Variants in RIPK1 observed in about 807,000 individuals in gnomAD.
RIPK1 encodes receptor-interacting serine/threonine-protein kinase 1.
RIPK1 carries 27 observed loss-of-function variants against 62.4 expected under a neutral mutation model. The ratio of observed to expected loss-of-function variants is 0.43; its 90% CI spans 0.32 to 0.60. The LOEUF is 0.60. RIPK1 is among the 20% of genes least tolerant of loss of function. The pLI is 0.07. For missense variants in RIPK1, 735 were observed against 831.0 expected, an observed-to-expected ratio of 0.88 and a Z score of 1.42; for synonymous variants, 287 against 303.2, an observed-to-expected ratio of 0.95 and a Z score of 0.55.
At chr6:3,071,725 G>A (rs186660496) in intron 1 of RIPK1, among the ~76,000 whole-genome samples, 13 of 152,184 alleles carry the variant, frequency 8.5e-5, no homozygotes, top group African/African-American at 3.1e-4. Flanking sequence ...CTAGCAAACC[G>A]CAAGACTGTA....
intron 3 of RIPK1, among the ~76,000 whole-genome samples, chr6:3,080,254 C>G (rs1294419655): frequency 6.6e-6 from 1 of 152,152 alleles, no homozygotes; most frequent in Admixed American, 6.5e-5. Context: ...TGTTTGTATA[C>G]TGATTTTTTA....
intron 7 of RIPK1, among the ~76,000 whole-genome samples, chr6:3,101,684 G>A (rs59726725): frequency 0.071 from 10,763 of 152,080 alleles, 1,298 homozygotes; most frequent in African/African-American, 0.25. Context: ...ATCTTTGGGT[G>A]TAGGGCAAAA....
chr6:3,111,462 A>C (rs775978201), intron 10 of RIPK1, among the ~76,000 whole-genome samples: 1 of 152,020 alleles, frequency 6.6e-6, no homozygotes, highest in South Asian at 2.1e-4. Context: ...CATGAGGCCA[A>C]AACGACTTGA....
At chr6:3,107,229 G>A (rs1352376966) in intron 9 of RIPK1, among the ~76,000 whole-genome samples, 2 of 149,990 alleles carry the variant, frequency 1.3e-5, no homozygotes, top group South Asian at 2.1e-4. Context: ...TCCAGCCTGG[G>A]CAACAGAGTG....
At position 3,105,590 on chromosome 6, in the gene RIPK1, C is replaced by G; in HGVS notation, c.1115C>G (p.Pro372Arg). Residue 372 changes from proline to arginine, a missense_variant, in exon 9 of 11, where the codon CCC (proline) becomes CGC (arginine). By Grantham distance (103) the Pro-to-Arg change is moderately radical (BLOSUM62 -2). Coordinates refer to ENST00000259808, the MANE Select transcript of RIPK1 (RefSeq NM_001354930.2). This position sits in a 1 kb window ranked among gnomAD's most constrained non-coding sequence, Gnocchi z 4.5. ...SLEHPQEENE[P>R]SLQSKLQDEA... ...GAGCACCCACAAGAAGAGAATGAGC[C>G]CAGCCTGCAGAGTAAACTCCAAGAC... 6.2e-7 allele frequency: 1 copy of G among 1,613,920 alleles called. No individual in the cohort carries two copies.
chr6:3,065,264 CAAAAAAAAAAAAA>C (rs57722248), upstream of RIPK1, among the ~76,000 whole-genome samples: 33 of 40,638 alleles, frequency 8.1e-4, no homozygotes, highest in Non-Finnish European at 1.3e-3. Context: ...GACTCCGTCT[CAAAAAAAAAAAAA>C]AAAAAAAAAA....
chr6:3,077,897 A>G lies in RIPK1; in HGVS notation c.283A>G (p.Met95Val), dbSNP rs1759167882. 6 of 1,614,102 alleles carry G rather than the reference A, an allele frequency of 3.7e-6. No individual in the cohort carries two copies. The highest frequency in any genetic ancestry group is 3.3e-5 in the South Asian group (3 of 91,092). Residue 95 changes from methionine to valine, a missense_variant, in exon 3 of 11, where the codon ATG becomes GTG. Transcript: ENST00000259808. Reference protein sequence around the residue: ...EGKYSLVMEYMEKGNLMHVLK... With the variant: ...EGKYSLVMEYVEKGNLMHVLK... ...GAAGTACTCCCTGGTGATGGAGTACATGGAGAAGGGCAACCTGATGCACGT... is the reference window on the plus strand; with the variant it reads ...GAAGTACTCCCTGGTGATGGAGTACGTGGAGAAGGGCAACCTGATGCACGT...
At chr6:3,068,722 C>A in intron 1 of RIPK1, 61 bp downstream of exon 1, 20 of 956,178 alleles carry the variant, frequency 2.1e-5, no homozygotes, top group Non-Finnish European at 2.5e-5. Context: ...GTCCCGGTGA[C>A]CCCCCTGGTC....
intron 7 of RIPK1, among the ~76,000 whole-genome samples, chr6:3,089,905 C>T (rs2113639165): frequency 6.6e-6 from 1 of 152,232 alleles, no homozygotes; most frequent in South Asian, 2.1e-4. Flanking sequence ...ATGTCACTGG[C>T]AAAGATTGGA....
At chr6:3,080,841 A>G (rs1324698341) in intron 3 of RIPK1, 138 bp from the exon 4 acceptor site, 1 of 495,816 alleles carries the variant, frequency 2.0e-6, no homozygotes, top group East Asian at 4.5e-5. Context: ...CAGTGACAGC[A>G]GTACTGTGGT....
In RIPK1 at chr6:3,105,836, G is replaced by A. The variant is rs779297969; in HGVS notation, c.1361G>A (p.Gly454Glu). 9 of 1,614,012 alleles carry A rather than the reference G, an allele frequency of 5.6e-6. No homozygotes were observed. The highest frequency in any genetic ancestry group is 7.6e-6 in the Non-Finnish European group (9 of 1,180,030). The change falls in exon 9 of 11, where the codon GGG becomes GAG. Residue 454 changes from glycine to glutamate, a missense_variant. Coordinates refer to ENST00000259808, the MANE Select transcript of RIPK1 (RefSeq NM_001354930.2). The surrounding 1 kb of genome is among the most constrained non-coding windows in gnomAD (Gnocchi z 4.5). ...GGTAATGCAGTGCACCAGCCCTCAG[G>A]GCTCACCAGCCAACCTCAAGTACTG... ...SHGNAVHQPS[G>E]LTSQPQVLYQ...
At chr6:3,087,918 C>G (rs1335813135) in intron 6 of RIPK1, among the ~76,000 whole-genome samples, 6 of 152,150 alleles carry the variant, frequency 3.9e-5, no homozygotes, top group African/African-American at 1.4e-4. Context: ...CTGAGACTTT[C>G]TATTTTTCAT....
At chr6:3,096,566 T>TC (rs1760312397) in intron 7 of RIPK1, among the ~76,000 whole-genome samples, 2 of 136,070 alleles carry the variant, frequency 1.5e-5, no homozygotes, top group East Asian at 4.1e-4. Flanking sequence ...TTTTTTTTTT[T>TC]TTTTTTTTTT....
In RIPK1 at chr6:3,113,233, T is replaced by C; in HGVS notation, c.1910T>C (p.Met637Thr). The C allele has an allele frequency of 6.2e-7, 1 of 1,614,068 alleles. No homozygotes were observed. The highest frequency in any genetic ancestry group is 8.5e-7 in the Non-Finnish European group (1 of 1,179,998). The change falls in exon 11 of 11, where the codon ATG becomes ACG. Residue 637 changes from methionine (M) to threonine (T), a missense_variant. Transcript: ENST00000259808. This position sits in a 1 kb window ranked among gnomAD's most constrained non-coding sequence, Gnocchi z 5.0. ...TACCAGATGCTCCAAAAGTGGGTGA[T>C]GAGGGAAGGCATAAAGGGAGCCACG... ...KVYQMLQKWV[M>T]REGIKGATVG... is the part of the protein sequence containing the mutation.
chr6:3,080,209 C>T (rs529679524), intron 3 of RIPK1, among the ~76,000 whole-genome samples: 1 of 152,170 alleles, frequency 6.6e-6, no homozygotes, highest in Admixed American at 6.5e-5. Context: ...TGTTAACCAA[C>T]GACCAAAATA....
Position 3,105,992 on chromosome 6 carries a change from C to G in RIPK1, c.1517C>G (p.Pro506Arg), listed in dbSNP as rs1479664227. The change falls in exon 9 of 11, where the codon CCT becomes CGT. Residue 506 changes from proline to arginine, a missense_variant. Coordinates refer to ENST00000259808, the MANE Select transcript of RIPK1 (RefSeq NM_001354930.2). The surrounding 1 kb of genome is among the most constrained non-coding windows in gnomAD (Gnocchi z 4.5). ...CCTAGTCTGCATAATATCCCAGTGC[C>G]TGAGACCAACTATCTAGGAAATACA... ...HMPSLHNIPVPETNYLGNTPT... is the reference protein window; with the variant it reads ...HMPSLHNIPVRETNYLGNTPT... The G allele has an allele frequency of 3.1e-6, 5 of 1,613,900 alleles. No homozygotes were observed. The highest frequency in any genetic ancestry group is 4.2e-6 in the Non-Finnish European group (5 of 1,179,880).
Position 3,105,683 on chromosome 6 carries a change from T to C in RIPK1, c.1208T>C (p.Val403Ala). Reference protein sequence around the residue: ...RQTKQQPRQNVAYNREEERRR... With the variant: ...RQTKQQPRQNAAYNREEERRR... ...ACGAAACAGCAGCCCAGACAGAATG[T>C]GGCTTACAACAGAGAGGAGGAAAGG... is the stretch of plus-strand genomic sequence containing the variant. The change falls in exon 9 of 11, where the codon GTG (valine) becomes GCG (alanine). Residue 403 changes from valine (V) to alanine (A), a missense_variant. Transcript: ENST00000259808. This position sits in a 1 kb window ranked among gnomAD's most constrained non-coding sequence, Gnocchi z 4.5. 1 of 1,613,988 alleles carries C rather than the reference T, an allele frequency of 6.2e-7. No individual in the cohort carries two copies. Among genetic ancestry groups the C allele is most frequent in the Non-Finnish European group, 8.5e-7 (1 of 1,179,978 alleles).
upstream of RIPK1, chr6:3,068,408 C>T (rs1340762600): frequency 4.4e-5 from 43 of 985,488 alleles, no homozygotes; most frequent in Non-Finnish European, 4.8e-5. Flanking sequence ...AGACCCCGGG[C>T]GCGAGGTCCC....
At chr6:3,112,699 T>C (rs1397067835) in intron 10 of RIPK1, among the ~76,000 whole-genome samples, 1 of 152,070 alleles carries the variant, frequency 6.6e-6, no homozygotes, top group Non-Finnish European at 1.5e-5. Context: ...CCCAGCTAAT[T>C]AAAAAAAATT....
Sources: allele counts gnomAD v4.1 joint callset (sites outside exome capture counted in the v4.1 genomes callset), GRCh38; gene constraint gnomAD v4.1.1; non-coding constraint Gnocchi (gnomAD v3.1); transcripts MANE v1.5; gene names NCBI Gene and HGNC (gene_info 2026-07-23, HGNC 2026-07-21).